The following DPP10 variants were observed in gnomAD, a reference collection of about 807,000 sequenced individuals.
The protein encoded by DPP10 is inactive dipeptidyl peptidase 10.
In DPP10, 33 loss-of-function variants were observed where a neutral mutation model predicts 120.9. That is an observed-to-expected ratio of 0.27 (90% CI 0.21 to 0.37). The LOEUF is 0.37. Ranked by LOEUF, DPP10 falls within the 10% of genes least tolerant of loss-of-function variation. The probability of loss-of-function intolerance (pLI) is 1.00; values close to 1 mark genes in which losing one functional copy is unlikely to be tolerated. For synonymous variants in DPP10, 337 were observed against 326.1 expected (o/e 1.03, Z -0.36); for missense variants, 816 against 942.8 (o/e 0.87, Z 1.76).
At chr2:115,544,510 C>A (rs1376871801) in intron 5 of DPP10, among the ~76,000 whole-genome samples, 1 of 152,010 alleles carries the variant, frequency 6.6e-6, no homozygotes, top group Non-Finnish European at 1.5e-5. Context: ...AGGTTTTAAA[C>A]CTGTCATCAT....
intron 5 of DPP10, among the ~76,000 whole-genome samples, chr2:115,534,040 A>G (rs960394556): frequency 4.6e-5 from 7 of 152,070 alleles, no homozygotes; most frequent in Non-Finnish European, 1.0e-4. Context: ...TTTTTTGGTG[A>G]AAGTTACTAA....
At chr2:114,500,605 T>G (rs1683070256) in intron 1 of DPP10, among the ~76,000 whole-genome samples, 1 of 152,158 alleles carries the variant, frequency 6.6e-6, no homozygotes, top group Non-Finnish European at 1.5e-5. Flanking sequence ...CACTGCTTTC[T>G]TCAGATGACA....
At chr2:115,245,760 T>C (rs2058505634) in intron 1 of DPP10, among the ~76,000 whole-genome samples, 1 of 152,158 alleles carries the variant, frequency 6.6e-6, no homozygotes, top group African/African-American at 2.4e-5. Flanking sequence ...ATGTTACTTT[T>C]GTTGCTGAGT....
chr2:115,728,188 G>A (rs796190186), intron 8 of DPP10, among the ~76,000 whole-genome samples: 12 of 151,680 alleles, frequency 7.9e-5, no homozygotes, highest in African/African-American at 2.9e-4. Context: ...TATTTGTGAG[G>A]ACAACTAATG....
chr2:114,610,199 A>G (rs1693171343), intron 1 of DPP10, among the ~76,000 whole-genome samples: 1 of 152,050 alleles, frequency 6.6e-6, no homozygotes, highest in African/African-American at 2.4e-5. Context: ...TCACAGGCGT[A>G]TGTTTTGTTT....
At chr2:114,522,314 T>C (rs1241901870) in intron 1 of DPP10, among the ~76,000 whole-genome samples, 1 of 152,148 alleles carries the variant, frequency 6.6e-6, no homozygotes, top group Non-Finnish European at 1.5e-5. Context: ...AGTCAAGCTG[T>C]TCTTCAATGT....
At chr2:114,942,326 C>CACACATATATATATATGTATATAT in intron 1 of DPP10, among the ~76,000 whole-genome samples, 2 of 114,848 alleles carry the variant, frequency 1.7e-5, no homozygotes, top group Non-Finnish European at 3.4e-5. Context: ...TATATACACA[C>CACACATATATATATATGTATATAT]ACATATATAT....
intron 5 of DPP10, among the ~76,000 whole-genome samples, chr2:115,678,672 G>A (rs1253457921): frequency 1.3e-5 from 2 of 152,216 alleles, no homozygotes; most frequent in African/African-American, 2.4e-5. Context: ...GCTGTGAGAA[G>A]AGGGCCACTG....
chr2:114,497,308 TAC>T (rs1558814120), intron 1 of DPP10, among the ~76,000 whole-genome samples: 2 of 66,284 alleles, frequency 3.0e-5, no homozygotes, highest in Non-Finnish European at 7.5e-5. Context: ...TATACGTGTA[TAC>T]ATGTACATGT....
rs147597434 is a variant in DPP10, at chr2:114,910,531, C to G, written c.61-398708C>G. On this transcript the variant is annotated intron_variant, in intron 1 of 25. Coordinates refer to ENST00000410059, the MANE Select transcript of DPP10 (RefSeq NM_020868.6). ...TGAGAGATTTTAAAACACGTTTTCT[C>G]ATTTCTAATCTAATAATATTTTTAC... 6.2e-3 allele frequency among the ~76,000 whole-genome samples: 941 copies of G among 152,130 alleles called. 7 individuals carry two copies. The highest frequency in any genetic ancestry group is 0.021 in the African/African-American group (879 of 41,548).
chr2:114,737,845 G>A (rs545823890), intron 1 of DPP10, among the ~76,000 whole-genome samples: 1 of 152,208 alleles, frequency 6.6e-6, no homozygotes, highest in African/African-American at 2.4e-5. Flanking sequence ...GCTTTTACGA[G>A]AATGGAATGA....
intron 3 of DPP10, among the ~76,000 whole-genome samples, chr2:115,384,076 G>T (rs1377668650): frequency 3.3e-5 from 5 of 152,188 alleles, no homozygotes; most frequent in Non-Finnish European, 7.4e-5. Flanking sequence ...ATGCTGAGCA[G>T]TTTAAACTAA....
chr2:115,398,176 T>C (rs1051788495), intron 3 of DPP10, among the ~76,000 whole-genome samples: 1 of 10,652 alleles, frequency 9.4e-5, no homozygotes, highest in African/African-American at 1.4e-4. Context: ...GTATATGACT[T>C]TTTTTTTTTT....
At chr2:115,391,503 G>GA (rs1281815110) in intron 3 of DPP10, among the ~76,000 whole-genome samples, 1 of 152,094 alleles carries the variant, frequency 6.6e-6, no homozygotes, top group Non-Finnish European at 1.5e-5. Flanking sequence ...GGTGTCAGAC[G>GA]AATCTGGATT....
chr2:115,241,147 T>G (rs950350976), intron 1 of DPP10, among the ~76,000 whole-genome samples: 1 of 152,198 alleles, frequency 6.6e-6, no homozygotes, highest in East Asian at 1.9e-4. Context: ...CAGGCACCTG[T>G]AATTCCAGCT....
chr2:115,756,466 A>G (rs116185004), intron 11 of DPP10, among the ~76,000 whole-genome samples: 291 of 152,234 alleles, frequency 1.9e-3, no homozygotes, highest in Non-Finnish European at 3.6e-3. Flanking sequence ...CAGTAATTAC[A>G]TGTCAACTAA....
intron 1 of DPP10, among the ~76,000 whole-genome samples, chr2:114,648,598 G>T (rs1440380002): frequency 6.6e-6 from 1 of 152,122 alleles, no homozygotes. Context: ...GAATGTATTT[G>T]CCCATTCTAA....
At chr2:115,282,105 C>T (rs1176071327) in intron 1 of DPP10, among the ~76,000 whole-genome samples, 14 of 151,932 alleles carry the variant, frequency 9.2e-5, no homozygotes, top group South Asian at 6.2e-4. Context: ...TACGTAGAAA[C>T]AAGCAATCAA....
intron 1 of DPP10, among the ~76,000 whole-genome samples, chr2:114,937,339 T>C (rs1411460018): frequency 6.6e-6 from 1 of 152,118 alleles, no homozygotes; most frequent in Non-Finnish European, 1.5e-5. Flanking sequence ...ATTTATTGAA[T>C]ATGGTGTCCT....
Sources: gnomAD v4.1 joint callset for allele counts (sites outside exome capture counted in the v4.1 genomes callset) on GRCh38, gnomAD v4.1.1 for gene constraint, MANE v1.5 for transcripts, NCBI Gene and HGNC (gene_info 2026-07-23, HGNC 2026-07-21) for gene names.